JMJD1C: variants seen among roughly 807,000 people sequenced by gnomAD.
JMJD1C encodes the protein jumonji domain-containing protein 1C.
Under a neutral mutation model 245.3 loss-of-function variants are expected in JMJD1C, and 31 were observed. That is an observed-to-expected ratio of 0.13 (90% CI 0.09 to 0.17). JMJD1C has a LOEUF of 0.17. JMJD1C is among the 10% of genes least tolerant of loss of function. The pLI is 1.00. For missense variants in JMJD1C, 2,691 were observed against 3,000.2 expected (o/e 0.90, Z 2.41); for synonymous variants, 1,057 against 1,017.4 (o/e 1.04, Z -0.74).
chr10:63,357,324 G>T (rs544033222), intron 2 of JMJD1C, among the ~76,000 whole-genome samples: 52 of 151,190 alleles, frequency 3.4e-4, no homozygotes, highest in African/African-American at 1.2e-3. Context: ...TTGTTTATTT[G>T]AGACAGAGTC....
At chr10:63,502,232 C>T (rs1025624390) in intron 1 of JMJD1C, among the ~76,000 whole-genome samples, 35 of 152,202 alleles carry the variant, frequency 2.3e-4, no homozygotes, top group African/African-American at 8.4e-4. Context: ...AAGGTTACCC[C>T]TAAAACATCA....
intron 2 of JMJD1C, among the ~76,000 whole-genome samples, chr10:63,323,798 G>A (rs905136100): frequency 1.3e-5 from 2 of 152,122 alleles, no homozygotes; most frequent in Non-Finnish European, 2.9e-5. Flanking sequence ...GCATATTTGT[G>A]TGTGTTTCTC....
chr10:63,309,772 C>A (rs977741945), intron 2 of JMJD1C, among the ~76,000 whole-genome samples: 3 of 152,046 alleles, frequency 2.0e-5, no homozygotes, highest in Non-Finnish European at 4.4e-5. Flanking sequence ...CAAAAATTAG[C>A]TGGGTGTGGT....
intron 2 of JMJD1C, among the ~76,000 whole-genome samples, chr10:63,313,958 G>C (rs1271890108): frequency 6.6e-6 from 1 of 152,138 alleles, no homozygotes; most frequent in Non-Finnish European, 1.5e-5. Flanking sequence ...TGTTTTTGTT[G>C]CATTTGCTTT....
At chr10:63,414,630 G>A (rs908702312) in intron 1 of JMJD1C, among the ~76,000 whole-genome samples, 3 of 152,196 alleles carry the variant, frequency 2.0e-5, no homozygotes, top group Non-Finnish European at 4.4e-5. Flanking sequence ...GATGATGCCT[G>A]TAATCCCAAC....
At chr10:63,396,309 A>G (rs1948482757) in intron 1 of JMJD1C, among the ~76,000 whole-genome samples, 1 of 152,214 alleles carries the variant, frequency 6.6e-6, no homozygotes, top group African/African-American at 2.4e-5. Flanking sequence ...TGTGGGCCGA[A>G]GATTACTGAA....
At chr10:63,353,672 C>T (rs574907726) in intron 2 of JMJD1C, among the ~76,000 whole-genome samples, 74 of 151,898 alleles carry the variant, frequency 4.9e-4, no homozygotes, top group African/African-American at 1.7e-3. Flanking sequence ...CGCACCACCA[C>T]GCCCAGTTAT....
rs551570909 is a variant in JMJD1C at position 63,181,159 on chromosome 10, C to T, written c.7084+2288G>A. On this transcript the variant is annotated intron_variant, in intron 22 of 25. Coordinates refer to ENST00000399262, the MANE Select transcript of JMJD1C (RefSeq NM_032776.3). Reference sequence around the variant, plus strand: ...GGGATTACAGGCATGAGCCACCGTGCCTGGCTTATCTTTCTTATAGAGAGT... The same window carrying T: ...GGGATTACAGGCATGAGCCACCGTGTCTGGCTTATCTTTCTTATAGAGAGT... 5.1e-4 allele frequency among the ~76,000 whole-genome samples: 78 copies of T among 152,242 alleles called. 1 individual carries two copies. Among genetic ancestry groups the T allele is most frequent in the Admixed American group, 2.0e-3 (31 of 15,290 alleles).
chr10:63,248,942 A>G (rs1326355380), intron 3 of JMJD1C, among the ~76,000 whole-genome samples: 1 of 152,230 alleles, frequency 6.6e-6, no homozygotes, highest in Non-Finnish European at 1.5e-5. Context: ...ATGGAAGTGG[A>G]GGTTATTACG....
intron 12 of JMJD1C, among the ~76,000 whole-genome samples, chr10:63,198,131 C>T (rs968565266): frequency 1.3e-5 from 2 of 152,178 alleles, no homozygotes; most frequent in African/African-American, 4.8e-5. Context: ...CCAGACCTGC[C>T]TGATATCCAG....
At chr10:63,320,050 G>A (rs1476054725) in intron 2 of JMJD1C, among the ~76,000 whole-genome samples, 1 of 151,932 alleles carries the variant, frequency 6.6e-6, no homozygotes. Context: ...ACAGGCATTA[G>A]CCACCATGCC....
At chr10:63,323,816 T>C (rs867880474) in intron 2 of JMJD1C, among the ~76,000 whole-genome samples, 2 of 152,144 alleles carry the variant, frequency 1.3e-5, no homozygotes, top group Non-Finnish European at 2.9e-5. Context: ...CTCTGTGTGT[T>C]TGCATATGTG....
Position 63,167,879 on chromosome 10 carries a change from G to C in JMJD1C, c.*166C>G, listed in dbSNP as rs938614623. Reference sequence around the variant, plus strand: ...TTTATAACATTGAATCACAGGAGCTGTGACATATGCTATACTGCTGTGGTG... The same window carrying C: ...TTTATAACATTGAATCACAGGAGCTCTGACATATGCTATACTGCTGTGGTG... On this transcript the variant is annotated 3_prime_UTR_variant, in exon 26 of 26. Transcript: ENST00000399262. The C allele has an allele frequency of 3.8e-6, 2 of 529,266 alleles. No homozygotes were observed. The highest frequency in any genetic ancestry group is 3.8e-5 in the African/African-American group (2 of 52,940). The allele number at this position is 529,266 out of a possible 1,614,324, so 32.8% of individuals were successfully genotyped here. A position where few individuals can be genotyped will look rare whatever the true frequency, so the allele number is the denominator to read the frequency against.
intron 10 of JMJD1C, chr10:63,204,380 TGTATATTC>T: frequency 1.0e-6 from 1 of 985,060 alleles, no homozygotes; most frequent in Non-Finnish European, 1.2e-6. Flanking sequence ...CATGTGAATA[TGTATATTC>T]GTCTCAAGAT....
chr10:63,282,727 C>CT (rs1011848731), intron 2 of JMJD1C, among the ~76,000 whole-genome samples: 6 of 152,174 alleles, frequency 3.9e-5, no homozygotes, highest in Non-Finnish European at 8.8e-5. Context: ...TCTAGGTTTT[C>CT]TTTTTTTGAG....
chr10:63,437,810 C>T (rs577879207), intron 1 of JMJD1C, among the ~76,000 whole-genome samples: 1 of 152,300 alleles, frequency 6.6e-6, no homozygotes, highest in African/African-American at 2.4e-5. Flanking sequence ...CAGCCTTTAT[C>T]TTACTTCACT....
chr10:63,272,626 A>C (rs1346959182), intron 2 of JMJD1C, among the ~76,000 whole-genome samples: 4 of 152,220 alleles, frequency 2.6e-5, no homozygotes, highest in Non-Finnish European at 5.9e-5. Context: ...CACCCTAATA[A>C]TTCATTCATA....
Position 63,499,402 on chromosome 10 carries a change from T to C in JMJD1C, n.113+22336A>G, listed in dbSNP as rs58990983. Among the ~76,000 whole-genome samples, 352 of 152,350 alleles carry C rather than the reference T, an allele frequency of 2.3e-3. 1 individual carries two copies. The highest frequency in any genetic ancestry group is 8.1e-3 in the African/African-American group (335 of 41,584). On this transcript the variant is annotated intron_variant and non_coding_transcript_variant, in intron 1 of 3. Transcript: ENST00000633035. ...CTTGTTATATTTTCTTTTCTGATAA[T>C]AGCTGTTAGTCTGGCTTTGCCTTTG...
chr10:63,314,118 A>C (rs1250776261), intron 2 of JMJD1C, among the ~76,000 whole-genome samples: 1 of 152,210 alleles, frequency 6.6e-6, no homozygotes, highest in Non-Finnish European at 1.5e-5. Flanking sequence ...ACGAGGATCC[A>C]GTTTCATTCT....
Sources: allele counts gnomAD v4.1 joint callset (sites outside exome capture counted in the v4.1 genomes callset), GRCh38; gene constraint gnomAD v4.1.1; transcripts MANE v1.5; gene names NCBI Gene and HGNC (gene_info 2026-07-23, HGNC 2026-07-21).